DLEC1: variants seen among roughly 807,000 people sequenced by gnomAD.
The protein encoded by DLEC1 is deleted in lung and esophageal cancer protein 1.
A neutral mutation model predicts 198.1 loss-of-function variants in DLEC1; 146 were observed. The observed-to-expected ratio is 0.74, with a 90% CI of 0.64 to 0.85. The LOEUF is 0.85. Ranked by LOEUF, DLEC1 falls within the 40% of genes least tolerant of loss-of-function variation. The pLI is 0.00. For synonymous variants in DLEC1, 897 were observed against 866.8 expected (o/e 1.03, Z -0.61); for missense variants, 2,233 against 2,220.0 (o/e 1.01, Z -0.12).
In DLEC1 at chr3:38,117,070, C is replaced by T. The variant is rs368123121; in HGVS notation, c.4275C>T (p.Tyr1425=). The T allele has an allele frequency of 1.7e-5, 27 of 1,614,090 alleles. No homozygotes were observed. The highest frequency in any genetic ancestry group is 4.5e-5 in the East Asian group (2 of 44,880). ...TGCACAAGGTGGAGTGTACTGGCTACGCCCTGGGTTTCATGAGCTTGGACA... is the reference window on the plus strand; with the variant it reads ...TGCACAAGGTGGAGTGTACTGGCTATGCCCTGGGTTTCATGAGCTTGGACA... ...EILHKVECTG[Y]ALGFMSLDSK... is the part of the protein sequence containing the mutation. Residue 1425 remains tyrosine, a synonymous_variant, in exon 30 of 37, where the codon TAC becomes TAT. Coordinates refer to ENST00000308059, the MANE Select transcript of DLEC1 (RefSeq NM_007335.4).
intron 18 of DLEC1, among the ~76,000 whole-genome samples, chr3:38,100,017 C>T (rs1011599239): frequency 6.6e-6 from 1 of 152,222 alleles, no homozygotes; most frequent in African/African-American, 2.4e-5. Flanking sequence ...GAGCACCTCC[C>T]TCCGCCTTCT....
In DLEC1 at chr3:38,062,817, G is replaced by A. The variant is rs542446778; in HGVS notation, c.1094+16G>A. On this transcript the variant is annotated intron_variant, in intron 5 of 36. Transcript: ENST00000308059. Reference sequence around the variant, plus strand: ...CAGAACAGAGGTATGTCTTTCTCTGGCTTGAACTCTCAGAAAACCTGGCCC... The same window carrying A: ...CAGAACAGAGGTATGTCTTTCTCTGACTTGAACTCTCAGAAAACCTGGCCC... The A allele has an allele frequency of 1.4e-5, 22 of 1,610,930 alleles. No individual in the cohort carries two copies. The highest frequency in any genetic ancestry group is 1.7e-5 in the Non-Finnish European group (20 of 1,179,002).
chr3:38,040,027 A>C (rs75798897), intron 1 of DLEC1, among the ~76,000 whole-genome samples: 1 of 152,180 alleles, frequency 6.6e-6, no homozygotes, highest in Non-Finnish European at 1.5e-5. Context: ...TGGGCCATTC[A>C]TGCGCAGATT....
rs933466230 is a variant in DLEC1 at position 38,120,696 on chromosome 3, A to G, written c.4866+87A>G. On this transcript the variant is annotated intron_variant, in intron 34 of 36. Coordinates refer to ENST00000308059, the MANE Select transcript of DLEC1 (RefSeq NM_007335.4). ...GGGGCCAGAGGAGGAAAGACCTAGC[A>G]GGGCCCTCAGAAATAAGGAGCCCCT... is the stretch of plus-strand genomic sequence containing the variant. 8.4e-6 allele frequency: 13 copies of G among 1,547,100 alleles called. No individual in the cohort carries two copies. The African/African-American group carries it at 1.8e-4, about 21-fold the overall frequency.
chr3:38,114,298 G>A (rs754447617), intron 25 of DLEC1, 44 bp from the exon 26 acceptor site: 56 of 1,600,636 alleles, frequency 3.5e-5, no homozygotes, highest in East Asian at 1.8e-4. Context: ...GGATGTGGTC[G>A]CAACCGGTGA....
chr3:38,084,553 TA>T lies in DLEC1; in HGVS notation c.1261+309del, dbSNP rs1189686340. 6.0e-5 allele frequency among the ~76,000 whole-genome samples: 9 copies of T among 149,784 alleles called. 1 individual carries two copies. Among genetic ancestry groups the T allele is most frequent in the Non-Finnish European group, 7.4e-5 (5 of 67,480 alleles). On this transcript the variant is annotated intron_variant, in intron 7 of 36. Coordinates refer to ENST00000308059, the MANE Select transcript of DLEC1 (RefSeq NM_007335.4). Reference sequence around the variant, plus strand: ...GTAGTGGTGGTGGTAGTAGTAGTGGTAGTAGTAGTGGTAGTAGTAGTAGTGG... The same window carrying T: ...GTAGTGGTGGTGGTAGTAGTAGTGGTGTAGTAGTGGTAGTAGTAGTAGTGG...
intron 33 of DLEC1, among the ~76,000 whole-genome samples, chr3:38,119,464 C>T (rs1476963002): frequency 1.3e-5 from 2 of 152,114 alleles, no homozygotes; most frequent in Admixed American, 6.5e-5. Flanking sequence ...AAAGTTCTCC[C>T]AACACTATTC....
At chr3:38,117,487 A>AGGCGCCC in intron 31 of DLEC1, 40 bp from the exon 32 acceptor site, 1 of 1,613,184 alleles carries the variant, frequency 6.2e-7, no homozygotes, top group Non-Finnish European at 8.5e-7. Flanking sequence ...AGAAGGCCCC[A>AGGCGCCC]GGCGCCCGGC....
In DLEC1 at chr3:38,121,505, C is replaced by T. The variant is rs1700457532; in HGVS notation, c.4867-123C>T. On this transcript the variant is annotated intron_variant, in intron 34 of 36. Transcript: ENST00000308059. ...TAAGGTGGCGCTGGTCCCCTGCCAACTTCTGGGAGCTTCCCGTTTTCTTCA... is the reference window on the plus strand; with the variant it reads ...TAAGGTGGCGCTGGTCCCCTGCCAATTTCTGGGAGCTTCCCGTTTTCTTCA... 3.0e-6 allele frequency: 4 copies of T among 1,320,902 alleles called. No homozygotes were observed. The Admixed American group carries it at 7.4e-5, about 24-fold the overall frequency. 81.8% of individuals were successfully genotyped at this position (1,320,902 alleles called of 1,614,324 possible).
Position 38,120,458 on chromosome 3 carries a change from CCTT to C in DLEC1, c.4718_4720del (p.Phe1573del), listed in dbSNP as rs561104116. 4 of 1,614,180 alleles carry C rather than the reference CCTT, an allele frequency of 2.5e-6. No individual in the cohort carries two copies. In the South Asian group the frequency reaches 3.3e-5, roughly 13 times the overall value. On this transcript the variant is annotated inframe_deletion, in exon 34 of 37. Transcript: ENST00000308059. ...TCCACATCTGCTCAGGTGAACGTGT[CCTT>C]CTCACTCTCCCTGGAGCTGCTCTCC... is the stretch of plus-strand genomic sequence containing the variant.
intron 3 of DLEC1, among the ~76,000 whole-genome samples, chr3:38,060,208 A>T (rs1434401115): frequency 6.6e-6 from 1 of 152,206 alleles, no homozygotes; most frequent in Non-Finnish European, 1.5e-5. Context: ...TGGAGCAGGG[A>T]CTTATGGGTT....
intron 6 of DLEC1, among the ~76,000 whole-genome samples, chr3:38,066,417 G>A (rs746387759): frequency 6.6e-6 from 1 of 152,016 alleles, no homozygotes; most frequent in Non-Finnish European, 1.5e-5. Context: ...ATATCTATAG[G>A]TAACTATTTC....
At chr3:38,046,210 G>A (rs1167600601) in intron 2 of DLEC1, among the ~76,000 whole-genome samples, 1 of 152,030 alleles carries the variant, frequency 6.6e-6, no homozygotes, top group Non-Finnish European at 1.5e-5. Context: ...GGGCAGATTT[G>A]TGTGTGTGTG....
At chr3:38,078,781 G>T (rs1481286516) in intron 6 of DLEC1, among the ~76,000 whole-genome samples, 1 of 152,178 alleles carries the variant, frequency 6.6e-6, no homozygotes, top group Admixed American at 6.5e-5. Context: ...AGAATAATGG[G>T]TAGTAGAGGG....
chr3:38,107,761 C>G, intron 20 of DLEC1, 24 bp downstream of exon 20: 1 of 1,609,004 alleles, frequency 6.2e-7, no homozygotes, highest in Non-Finnish European at 8.5e-7. Context: ...CAGCATCAGG[C>G]AGCAGTCTGC....
At position 38,062,196 on chromosome 3, in the gene DLEC1, T is replaced by A. The variant is rs769948262; in HGVS notation, c.701T>A (p.Leu234Gln). The change falls in exon 4 of 37, where the codon CTG becomes CAG. Residue 234 changes from leucine (L) to glutamine (Q), a missense_variant. Physicochemically the swap from Leu to Gln is moderately radical, Grantham distance 113. Coordinates refer to ENST00000308059, the MANE Select transcript of DLEC1 (RefSeq NM_007335.4). Reference protein sequence around the residue: ...KGISLPGCSKLTFSCEKRSVQ... With the variant: ...KGISLPGCSKQTFSCEKRSVQ... ...ATCTCCCTACCTGGATGTTCAAAAC[T>A]GACATTTAGCTGTGAGAAGCGTTCC... 1.9e-6 allele frequency: 3 copies of A among 1,614,240 alleles called. No individual in the cohort carries two copies. Among genetic ancestry groups the A allele is most frequent in the Non-Finnish European group, 2.5e-6 (3 of 1,180,048 alleles).
chr3:38,106,859 A>C (rs1699594839), intron 19 of DLEC1, among the ~76,000 whole-genome samples: 1 of 152,014 alleles, frequency 6.6e-6, no homozygotes, highest in Admixed American at 6.6e-5. Flanking sequence ...GATTATGAAC[A>C]TTAATCATAC....
intron 19 of DLEC1, among the ~76,000 whole-genome samples, chr3:38,106,501 A>AT (rs1451699103): frequency 6.6e-6 from 1 of 152,108 alleles, no homozygotes; most frequent in Non-Finnish European, 1.5e-5. Context: ...CACCTTTGTA[A>AT]TCCCAGCACT....
chr3:38,084,189 C>T lies in DLEC1; in HGVS notation c.1205C>T (p.Thr402Ile), dbSNP rs1698221741. The T allele has an allele frequency of 2.5e-6, 4 of 1,613,184 alleles. No individual in the cohort carries two copies. The highest frequency in any genetic ancestry group is 2.2e-5 in the South Asian group (2 of 91,080). ...MVIALQNTTTTSRYLRVLPPS... is the reference protein window; with the variant it reads ...MVIALQNTTTISRYLRVLPPS... ...ATTGCGCTGCAGAACACCACCACGA[C>T]CAGCCGCTACCTGCGAGTCCTCCCG... is the stretch of plus-strand genomic sequence containing the variant. Residue 402 changes from threonine (T) to isoleucine (I), a missense_variant, in exon 7 of 37, where the codon ACC becomes ATC. Physicochemically the swap from Thr to Ile is moderately conservative, Grantham distance 89. Transcript: ENST00000308059.
Sources: gnomAD v4.1 joint callset for allele counts (sites outside exome capture counted in the v4.1 genomes callset) on GRCh38, gnomAD v4.1.1 for gene constraint, MANE v1.5 for transcripts, NCBI Gene and HGNC (gene_info 2026-07-23, HGNC 2026-07-21) for gene names.